SLC39A11: variants seen among roughly 807,000 people sequenced by gnomAD.
SLC39A11 encodes the protein zinc transporter ZIP11.
SLC39A11 carries 33 observed loss-of-function variants against 36.1 expected under a neutral mutation model. The ratio of observed to expected loss-of-function variants is 0.91; its 90% CI spans 0.69 to 1.22. SLC39A11 has a LOEUF of 1.22. Among genes scored for constraint, SLC39A11 ranks in the 50% most tolerant of loss-of-function variants. SLC39A11 has a pLI of 0.00. For missense variants in SLC39A11, 432 were observed against 430.3 expected, an observed-to-expected ratio of 1.00 and a Z score of -0.03; for synonymous variants, 166 against 170.3, an observed-to-expected ratio of 0.97 and a Z score of 0.20.
chr17:72,712,496 T>C (rs2073148144), intron 7 of SLC39A11, among the ~76,000 whole-genome samples: 1 of 152,216 alleles, frequency 6.6e-6, no homozygotes, highest in Admixed American at 6.5e-5. Context: ...TAGAAGGTGA[T>C]CTGAAAGGCA....
intron 4 of SLC39A11, among the ~76,000 whole-genome samples, chr17:73,004,140 GAAGA>G (rs1229461006): frequency 2.3e-4 from 24 of 105,278 alleles, no homozygotes; most frequent in African/African-American, 5.3e-4. Context: ...GGAAAGAAAG[GAAGA>G]AAGAAAGAAA....
chr17:72,911,280 G>T (rs67181829), intron 5 of SLC39A11, among the ~76,000 whole-genome samples: 2 of 151,394 alleles, frequency 1.3e-5, no homozygotes, highest in South Asian at 2.1e-4. Context: ...GTGGAGGAAG[G>T]GGGGAAGGAT....
At chr17:72,840,145 G>T (rs951659829) in intron 6 of SLC39A11, among the ~76,000 whole-genome samples, 1 of 152,120 alleles carries the variant, frequency 6.6e-6, no homozygotes, top group Non-Finnish European at 1.5e-5. Flanking sequence ...AATCACTTTG[G>T]ATTAAAATCC....
At chr17:73,031,801 T>A in intron 3 of SLC39A11, 87 bp from the exon 4 acceptor site, 2 of 1,355,882 alleles carry the variant, frequency 1.5e-6, no homozygotes, top group South Asian at 1.3e-5. Context: ...GTGGCCCAGA[T>A]TGACCCCTAC....
At chr17:72,656,477 G>A (rs1199232564) in intron 7 of SLC39A11, among the ~76,000 whole-genome samples, 1 of 152,132 alleles carries the variant, frequency 6.6e-6, no homozygotes, top group Non-Finnish European at 1.5e-5. Flanking sequence ...GCATCCGTGT[G>A]TAGAGTGGGA....
At chr17:73,046,632 T>C (rs1239241698) in intron 3 of SLC39A11, among the ~76,000 whole-genome samples, 1 of 152,198 alleles carries the variant, frequency 6.6e-6, no homozygotes, top group African/African-American at 2.4e-5. Flanking sequence ...TCTCTGTCTC[T>C]GTCTCTCTTT....
intron 7 of SLC39A11, among the ~76,000 whole-genome samples, chr17:72,674,472 T>C (rs922237049): frequency 2.0e-5 from 3 of 152,216 alleles, no homozygotes; most frequent in Admixed American, 2.0e-4. Context: ...TTGCCTCCAA[T>C]ATTTTGCAAT....
At chr17:72,917,320 G>A (rs889777211) in intron 5 of SLC39A11, among the ~76,000 whole-genome samples, 1 of 152,352 alleles carries the variant, frequency 6.6e-6, no homozygotes, top group African/African-American at 2.4e-5. Flanking sequence ...TGTCTGGGCT[G>A]TGGATTCAAA....
intron 4 of SLC39A11, among the ~76,000 whole-genome samples, chr17:73,022,351 T>C (rs2058379646): frequency 6.6e-6 from 1 of 152,094 alleles, no homozygotes; most frequent in South Asian, 2.1e-4. Context: ...TCCCAGCACT[T>C]TGAGGGGCCA....
chr17:73,015,206 G>A (rs752533799), intron 4 of SLC39A11, among the ~76,000 whole-genome samples: 71 of 152,068 alleles, frequency 4.7e-4, no homozygotes, highest in Non-Finnish European at 5.1e-4. Flanking sequence ...TCTTCTGCAC[G>A]GTTCCTTCTT....
intron 7 of SLC39A11, among the ~76,000 whole-genome samples, chr17:72,729,426 TATATATATATATATATATATA>T (rs2074085659): frequency 1.3e-3 from 7 of 5,310 alleles, no homozygotes; most frequent in Non-Finnish European, 4.0e-3. Context: ...TATATATATA[TATATATATATATATATATATA>T]TATATATATA....
At chr17:72,989,632 G>A (rs1448589587) in intron 4 of SLC39A11, among the ~76,000 whole-genome samples, 1 of 152,152 alleles carries the variant, frequency 6.6e-6, no homozygotes, top group Non-Finnish European at 1.5e-5. Context: ...ATTCTGTCAT[G>A]CACCCTCACC....
chr17:73,041,122 T>A (rs184704988), intron 3 of SLC39A11, among the ~76,000 whole-genome samples: 1 of 152,302 alleles, frequency 6.6e-6, no homozygotes, highest in East Asian at 1.9e-4. Flanking sequence ...AAATTCCTAG[T>A]CCACTTTGGA....
intron 4 of SLC39A11, among the ~76,000 whole-genome samples, chr17:72,996,001 C>G (rs1013806263): frequency 1.3e-5 from 2 of 151,896 alleles, no homozygotes; most frequent in Non-Finnish European, 2.9e-5. Flanking sequence ...CACCCTAATC[C>G]CCACCCTTCT....
intron 3 of SLC39A11, among the ~76,000 whole-genome samples, chr17:73,078,381 T>C (rs1042423875): frequency 6.6e-6 from 1 of 152,056 alleles, no homozygotes; most frequent in African/African-American, 2.4e-5. Context: ...GACAGATAGA[T>C]CAGATATAGA....
intron 3 of SLC39A11, among the ~76,000 whole-genome samples, chr17:73,037,588 G>A (rs570241759): frequency 2.6e-5 from 4 of 152,294 alleles, no homozygotes; most frequent in South Asian, 2.1e-4. Context: ...CTGTGACCCC[G>A]CCTGTAAAGG....
In SLC39A11 at chr17:72,822,257, TAG is replaced by T. The variant is rs201373790; in HGVS notation, c.601+27375_601+27376del. On this transcript the variant is annotated intron_variant, in intron 6 of 9. Coordinates refer to ENST00000255559, the MANE Select transcript of SLC39A11 (RefSeq NM_139177.4). The stretch of plus-strand genomic sequence containing the variant: ...ACTATACACACATACTATATATATA[TAG>T]AGAGAGAGAATATATATAGAGAGAG... 2.2e-3 allele frequency among the ~76,000 whole-genome samples: 320 copies of T among 147,054 alleles called. 6 individuals carry two copies. Among genetic ancestry groups the T allele is most frequent in the Middle Eastern group, 0.011 (3 of 278 alleles).
rs890867542 is a variant in SLC39A11 at position 73,049,300 on chromosome 17, C to A, written c.148-17586G>T. Among the ~76,000 whole-genome samples, 4 of 152,144 alleles carry A rather than the reference C, an allele frequency of 2.6e-5. No individual in the cohort carries two copies. In the East Asian group the frequency reaches 7.7e-4, roughly 29 times the overall value. ...TGCATCCAGGCAAGGCTGCACAGAGCGCTATGCGAAAGGATGCAGGAAAGG... is the reference window on the plus strand; with the variant it reads ...TGCATCCAGGCAAGGCTGCACAGAGAGCTATGCGAAAGGATGCAGGAAAGG... On this transcript the variant is annotated intron_variant, in intron 3 of 9. Coordinates refer to ENST00000255559, the MANE Select transcript of SLC39A11 (RefSeq NM_139177.4).
At chr17:72,749,735 C>A (rs948305758) in intron 6 of SLC39A11, among the ~76,000 whole-genome samples, 12 of 152,054 alleles carry the variant, frequency 7.9e-5, no homozygotes, top group African/African-American at 2.9e-4. Context: ...CACTGCACAC[C>A]GAAGGCAGGA....
Sources: gnomAD v4.1 joint callset for allele counts (sites outside exome capture counted in the v4.1 genomes callset) on GRCh38, gnomAD v4.1.1 for gene constraint, MANE v1.5 for transcripts, NCBI Gene and HGNC (gene_info 2026-07-23, HGNC 2026-07-21) for gene names.